TNR: variants seen among roughly 807,000 people sequenced by gnomAD.
TNR encodes the protein tenascin-R.
Under a neutral mutation model 150.4 loss-of-function variants are expected in TNR, and 45 were observed. The ratio of observed to expected loss-of-function variants is 0.30; its 90% CI spans 0.24 to 0.38. The LOEUF is 0.38. Among genes scored for constraint, TNR ranks in the 10% least tolerant of loss-of-function variants. The pLI, the probability that TNR is intolerant of heterozygous loss-of-function variation, is 1.00. For missense variants in TNR, 1,544 were observed against 1,759.1 expected (o/e 0.88, Z 2.19); for synonymous variants, 687 against 678.4 (o/e 1.01, Z -0.20).
rs549937898 is a variant in TNR at position 175,321,772 on chromosome 1, A to G, written c.*1585T>C. ...TTTCTGGATGTAATTTCCTTTGGCTATTGTCATTTTTCCTTTGCAAGGCAG... is the reference window on the plus strand; with the variant it reads ...TTTCTGGATGTAATTTCCTTTGGCTGTTGTCATTTTTCCTTTGCAAGGCAG... On this transcript the variant is annotated 3_prime_UTR_variant, in exon 23 of 23. Coordinates refer to ENST00000367674, the MANE Select transcript of TNR (RefSeq NM_003285.3). 2 of 152,222 alleles carry G rather than the reference A, an allele frequency of 1.3e-5. No individual in the cohort carries two copies. Among genetic ancestry groups the G allele is most frequent in the Admixed American group, 6.5e-5 (1 of 15,294 alleles). The allele number at this position is 152,222 out of a possible 1,614,324, so 9.4% of individuals were successfully genotyped here. A position where few individuals can be genotyped will look rare whatever the true frequency, so the allele number is the denominator to read the frequency against.
At chr1:175,444,998 C>T (rs1655973893) in intron 2 of TNR, among the ~76,000 whole-genome samples, 1 of 152,054 alleles carries the variant, frequency 6.6e-6, no homozygotes, top group Admixed American at 6.6e-5. Context: ...CAGCCGGGCG[C>T]GGTGGCTCAC....
At chr1:175,740,200 C>A (rs565295235) in intron 1 of TNR, among the ~76,000 whole-genome samples, 26 of 152,294 alleles carry the variant, frequency 1.7e-4, no homozygotes, top group Admixed American at 1.4e-3. Flanking sequence ...TTAAGTAATA[C>A]ATTCAGCAAT....
intron 1 of TNR, among the ~76,000 whole-genome samples, chr1:175,718,122 C>A (rs1254791292): frequency 1.3e-5 from 2 of 152,176 alleles, no homozygotes; most frequent in African/African-American, 4.8e-5. Context: ...AAGAGAGGGG[C>A]ATGAGTGTGG....
At chr1:175,420,436 C>A (rs1374245389) in intron 2 of TNR, among the ~76,000 whole-genome samples, 1 of 152,180 alleles carries the variant, frequency 6.6e-6, no homozygotes, top group African/African-American at 2.4e-5. Flanking sequence ...AACAGGTAAG[C>A]CTTATACCAT....
chr1:175,414,037 G>A (rs1438797155), intron 2 of TNR, among the ~76,000 whole-genome samples: 1 of 152,168 alleles, frequency 6.6e-6, no homozygotes, highest in Non-Finnish European at 1.5e-5. Flanking sequence ...GGAGGCTGAG[G>A]TGGGAAGGTC....
intron 19 of TNR, 34 bp downstream of exon 19, chr1:175,337,494 G>T (rs764124209): frequency 6.2e-7 from 1 of 1,611,464 alleles, no homozygotes; most frequent in South Asian, 1.1e-5. Context: ...CACTGAGGAC[G>T]CTTCTGTGCA....
chr1:175,492,526 A>G (rs1411051896), intron 2 of TNR, among the ~76,000 whole-genome samples: 1 of 152,210 alleles, frequency 6.6e-6, no homozygotes, highest in Non-Finnish European at 1.5e-5. Context: ...TGAGAAGCAT[A>G]CACCTAGAAA....
intron 2 of TNR, among the ~76,000 whole-genome samples, chr1:175,499,480 C>G (rs1658638108): frequency 6.6e-6 from 1 of 152,190 alleles, no homozygotes; most frequent in Non-Finnish European, 1.5e-5. Flanking sequence ...CAACTTAAGA[C>G]CTGGGTATGT....
intron 22 of TNR, among the ~76,000 whole-genome samples, chr1:175,323,845 C>T (rs1242135124): frequency 1.3e-5 from 2 of 152,116 alleles, no homozygotes; most frequent in African/African-American, 2.4e-5. Context: ...GAGACTTAGG[C>T]GGTTTCTACC....
intron 3 of TNR, among the ~76,000 whole-genome samples, chr1:175,404,359 A>G (rs1264074673): frequency 3.3e-5 from 5 of 152,116 alleles, no homozygotes; most frequent in African/African-American, 1.2e-4. Context: ...ACCCAGCTCC[A>G]TGGTTACTTC....
At chr1:175,681,336 T>C (rs985852556) in intron 1 of TNR, among the ~76,000 whole-genome samples, 3 of 151,978 alleles carry the variant, frequency 2.0e-5, no homozygotes, top group East Asian at 1.9e-4. Context: ...AAAGCAGCGA[T>C]GTGGAAGGCA....
In TNR at chr1:175,641,409, G is replaced by C. The variant is rs188913382; in HGVS notation, c.-165+101817C>G. Among the ~76,000 whole-genome samples the C allele has an allele frequency of 4.2e-4, 64 of 152,296 alleles. 1 individual carries two copies. Among genetic ancestry groups the C allele is most frequent in the African/African-American group, 1.3e-3 (52 of 41,566 alleles). On this transcript the variant is annotated intron_variant, in intron 1 of 22. Transcript: ENST00000367674. ...AAGATAAAAATAAATGAGTTGTCTA[G>C]AAGTATCTAAGTGAGAATACCAAAT...
At chr1:175,325,831 A>G (rs1173942311) in intron 21 of TNR, among the ~76,000 whole-genome samples, 1 of 151,512 alleles carries the variant, frequency 6.6e-6, no homozygotes, top group African/African-American at 2.4e-5. Flanking sequence ...GAACACGTGG[A>G]CACAGGGTGG....
At chr1:175,711,951 G>A (rs1201323838) in intron 1 of TNR, among the ~76,000 whole-genome samples, 1 of 152,194 alleles carries the variant, frequency 6.6e-6, no homozygotes, top group Non-Finnish European at 1.5e-5. Flanking sequence ...TGTGTGGCCA[G>A]TTATGTACAT....
At chr1:175,362,222 G>A (rs1651628570) in intron 14 of TNR, among the ~76,000 whole-genome samples, 2 of 152,158 alleles carry the variant, frequency 1.3e-5, no homozygotes. Context: ...CAAAGCAAGA[G>A]CAAAGGCACC....
chr1:175,486,121 CTT>C (rs35730425), intron 2 of TNR, among the ~76,000 whole-genome samples: 98 of 145,104 alleles, frequency 6.8e-4, no homozygotes, highest in African/African-American at 6.3e-4. Flanking sequence ...GCATTAGGTT[CTT>C]TTTTTTTTTT....
chr1:175,742,266 A>T (rs1457576672), intron 1 of TNR, among the ~76,000 whole-genome samples: 1 of 152,238 alleles, frequency 6.6e-6, no homozygotes, highest in Non-Finnish European at 1.5e-5. Context: ...AGAGCCTCTC[A>T]GTGCTGGAGG....
chr1:175,740,450 A>C lies in TNR; in HGVS notation c.-165+2776T>G, dbSNP rs932454401. On this transcript the variant is annotated intron_variant, in intron 1 of 22. Coordinates refer to ENST00000367674, the MANE Select transcript of TNR (RefSeq NM_003285.3). ...TCATTTTTTTCAACAAAAAAAAAGT[A>C]ATAATGGCGCTTTCCAGGTAAAAGA... 4.6e-5 allele frequency among the ~76,000 whole-genome samples: 7 copies of C among 151,954 alleles called. No individual in the cohort carries two copies. In the East Asian group the frequency reaches 7.7e-4, roughly 17 times the overall value.
At chr1:175,585,088 C>A (rs140728447) in intron 1 of TNR, among the ~76,000 whole-genome samples, 1 of 152,274 alleles carries the variant, frequency 6.6e-6, no homozygotes, top group Non-Finnish European at 1.5e-5. Flanking sequence ...CATTCTGAGG[C>A]CTTAACTCAT....
Sources: gnomAD v4.1 joint callset for allele counts (sites outside exome capture counted in the v4.1 genomes callset) on GRCh38, gnomAD v4.1.1 for gene constraint, MANE v1.5 for transcripts, NCBI Gene and HGNC (gene_info 2026-07-23, HGNC 2026-07-21) for gene names.